TBCK: variants seen among roughly 807,000 people sequenced by gnomAD.
The protein encoded by TBCK is TBC1 domain containing kinase, also known as TBC domain-containing protein kinase-like protein.
TBCK carries 99 observed loss-of-function variants against 113.4 expected under a neutral mutation model. That is an observed-to-expected ratio of 0.87 (90% CI 0.74 to 1.03). The LOEUF (loss-of-function observed/expected upper bound fraction) is 1.03. Ranked by LOEUF, TBCK falls within the 50% of genes least tolerant of loss-of-function variation. The pLI is 0.00. For missense variants in TBCK, 1,045 were observed against 1,061.3 expected (o/e 0.98, Z 0.21); for synonymous variants, 369 against 370.8 (o/e 1.00, Z 0.05).
chr4:106,300,919 A>G (rs1766868384), intron 2 of TBCK, among the ~76,000 whole-genome samples: 2 of 152,174 alleles, frequency 1.3e-5, no homozygotes, highest in African/African-American at 2.4e-5. Flanking sequence ...TGGGCAATAT[A>G]GTGAGACTCC....
At chr4:106,234,841 G>A (rs575062425) in intron 15 of TBCK, among the ~76,000 whole-genome samples, 2 of 152,136 alleles carry the variant, frequency 1.3e-5, no homozygotes, top group East Asian at 3.9e-4. Flanking sequence ...GGTGGAATAG[G>A]TGTGCCAAAA....
At chr4:106,166,736 T>C (rs1750412791) in intron 23 of TBCK, among the ~76,000 whole-genome samples, 1 of 151,670 alleles carries the variant, frequency 6.6e-6, no homozygotes, top group African/African-American at 2.4e-5. Flanking sequence ...AGTGACCAAG[T>C]AGACTTTATC....
At chr4:106,083,729 G>A (rs1252333862) in intron 25 of TBCK, among the ~76,000 whole-genome samples, 1 of 152,130 alleles carries the variant, frequency 6.6e-6, no homozygotes, top group East Asian at 1.9e-4. Flanking sequence ...CCAGAAGATG[G>A]AGCAGGCACC....
chr4:106,155,433 C>T (rs929225584), intron 23 of TBCK, among the ~76,000 whole-genome samples: 1 of 152,108 alleles, frequency 6.6e-6, no homozygotes, highest in Non-Finnish European at 1.5e-5. Flanking sequence ...AATTATCACT[C>T]ATTAACATCC....
chr4:106,267,005 T>C (rs1311703481), intron 3 of TBCK, among the ~76,000 whole-genome samples: 3 of 151,856 alleles, frequency 2.0e-5, no homozygotes, highest in African/African-American at 7.3e-5. Context: ...TTCACACAGT[T>C]ATATAAAAAA....
chr4:106,137,514 A>G (rs1278162930), intron 23 of TBCK, among the ~76,000 whole-genome samples: 2 of 140,812 alleles, frequency 1.4e-5, no homozygotes, highest in Admixed American at 7.0e-5. Flanking sequence ...TTCAAAAACT[A>G]TCAATCTACA....
rs57951822 is a variant in TBCK, at chr4:106,211,491, G to C, written c.1860+1259C>G. On this transcript the variant is annotated intron_variant, in intron 20 of 25. Transcript: ENST00000394708. ...CACAATGCATCACATGTAGGAGGCA[G>C]AAAACATTGTTTTGTAAAACTTATT... 5.7e-3 allele frequency among the ~76,000 whole-genome samples: 867 copies of C among 152,156 alleles called. 10 individuals are homozygous for C. Among genetic ancestry groups the C allele is most frequent in the African/African-American group, 0.02 (837 of 41,538 alleles).
chr4:106,071,506 C>A (rs1737444455), intron 25 of TBCK, among the ~76,000 whole-genome samples: 1 of 152,146 alleles, frequency 6.6e-6, no homozygotes, highest in Non-Finnish European at 1.5e-5. Flanking sequence ...CTGAGGAGTG[C>A]TTTACTCCCA....
At chr4:106,181,860 T>G (rs950675593) in intron 22 of TBCK, among the ~76,000 whole-genome samples, 6 of 152,192 alleles carry the variant, frequency 3.9e-5, no homozygotes, top group African/African-American at 1.4e-4. Flanking sequence ...GGCTCTTTTT[T>G]GGTTCCATAT....
intron 22 of TBCK, among the ~76,000 whole-genome samples, chr4:106,185,866 ATCT>A (rs1752964618): frequency 1.3e-5 from 2 of 151,888 alleles, no homozygotes; most frequent in South Asian, 4.1e-4. Flanking sequence ...TATTTTTTCG[ATCT>A]TCTTCCTCCT....
At chr4:106,096,259 CTT>C (rs1455950523) in intron 24 of TBCK, among the ~76,000 whole-genome samples, 1 of 152,050 alleles carries the variant, frequency 6.6e-6, no homozygotes, top group Non-Finnish European at 1.5e-5. Flanking sequence ...AGAGTAATGA[CTT>C]TTCTCTCAGA....
chr4:106,131,174 C>T (rs1214346129), intron 23 of TBCK, among the ~76,000 whole-genome samples: 2 of 152,152 alleles, frequency 1.3e-5, no homozygotes, highest in Non-Finnish European at 2.9e-5. Flanking sequence ...TCTTGCCTGC[C>T]GCCATGTAAG....
chr4:106,110,131 G>A (rs1742673334), intron 24 of TBCK, among the ~76,000 whole-genome samples: 1 of 152,230 alleles, frequency 6.6e-6, no homozygotes, highest in South Asian at 2.1e-4. Flanking sequence ...CAAAGCCTTT[G>A]TCATTAAATC....
intron 23 of TBCK, among the ~76,000 whole-genome samples, chr4:106,143,957 T>C (rs547695927): frequency 6.6e-6 from 1 of 151,870 alleles, no homozygotes; most frequent in African/African-American, 2.4e-5. Flanking sequence ...CAATTACTCT[T>C]GCACCAACCT....
chr4:106,197,447 C>G (rs1754396586), intron 20 of TBCK, among the ~76,000 whole-genome samples: 1 of 138,100 alleles, frequency 7.2e-6, no homozygotes, highest in Non-Finnish European at 1.6e-5. Flanking sequence ...CAAAGTAGGG[C>G]AGAAACCACT....
At chr4:106,123,430 G>T (rs1744718225) in intron 23 of TBCK, among the ~76,000 whole-genome samples, 1 of 152,178 alleles carries the variant, frequency 6.6e-6, no homozygotes, top group Non-Finnish European at 1.5e-5. Flanking sequence ...TCAATATCAT[G>T]AAAATGGCCA....
At chr4:106,316,592 CAT>C, upstream of TBCK, 1 of 1,551,478 alleles carries the variant, frequency 6.4e-7, no homozygotes. Flanking sequence ...TCCTCCGCTT[CAT>C]GTGAGTGACG....
At chr4:106,125,995 T>C (rs1021620442) in intron 23 of TBCK, among the ~76,000 whole-genome samples, 3 of 152,214 alleles carry the variant, frequency 2.0e-5, no homozygotes, top group Admixed American at 6.5e-5. Context: ...GCTCTATAAA[T>C]TTTTATCTTA....
chr4:106,299,139 T>A (rs1766647560), intron 2 of TBCK, among the ~76,000 whole-genome samples: 1 of 152,210 alleles, frequency 6.6e-6, no homozygotes, highest in African/African-American at 2.4e-5. Context: ...GTGTACTGCA[T>A]CACAGGTGTC....
Sources: allele counts gnomAD v4.1 joint callset (sites outside exome capture counted in the v4.1 genomes callset), GRCh38; gene constraint gnomAD v4.1.1; transcripts MANE v1.5; gene names NCBI Gene and HGNC (gene_info 2026-07-23, HGNC 2026-07-21).